GFPT2: variants seen among roughly 807,000 people sequenced by gnomAD.
The protein encoded by GFPT2 is glutamine--fructose-6-phosphate transaminase 2, also known as glutamine--fructose-6-phosphate aminotransferase [isomerizing] 2.
In GFPT2, 62 loss-of-function variants were observed where a neutral mutation model predicts 85.6. The ratio of observed to expected loss-of-function variants is 0.72; its 90% CI spans 0.59 to 0.90. The LOEUF (loss-of-function observed/expected upper bound fraction) is 0.90, where lower values mean the gene tolerates loss of function less well. GFPT2 is among the 40% of genes least tolerant of loss of function. GFPT2 has a pLI of 0.00. For synonymous variants in GFPT2, 368 were observed against 344.5 expected, an observed-to-expected ratio of 1.07 and a Z score of -0.75; for missense variants, 788 against 893.4, an observed-to-expected ratio of 0.88 and a Z score of 1.50.
chr5:180,338,413 AC>A (rs34335690), intron 2 of GFPT2, 79 bp downstream of exon 2: 31,923 of 582,268 alleles, frequency 0.055, 1,051 homozygotes, highest in Middle Eastern at 0.11. Flanking sequence ...CTGGTTGTAA[AC>A]CCCCCTGCAG....
chr5:180,342,814 A>G (rs1257437480), intron 1 of GFPT2, among the ~76,000 whole-genome samples: 2 of 151,480 alleles, frequency 1.3e-5, no homozygotes, highest in Non-Finnish European at 2.9e-5. Context: ...AGGCAGGAGA[A>G]TCTCTTGAAC....
At position 180,322,002 on chromosome 5, in the gene GFPT2, T is replaced by C. The variant is rs141370007; in HGVS notation, c.794+2186A>G. Among the ~76,000 whole-genome samples, 844 of 152,114 alleles carry C rather than the reference T, an allele frequency of 5.5e-3. 6 individuals carry two copies. Among genetic ancestry groups the C allele is most frequent in the African/African-American group, 0.02 (811 of 41,524 alleles). On this transcript the variant is annotated intron_variant, in intron 9 of 18. Transcript: ENST00000253778. ...CCGGGTTTCACCGTGTTGGCCAGGA[T>C]GGTCTCGATCTCCTGATCTCATGAT...
chr5:180,317,559 A>ATT (rs1008096116), intron 10 of GFPT2, among the ~76,000 whole-genome samples: 9 of 145,418 alleles, frequency 6.2e-5, no homozygotes, highest in Non-Finnish European at 1.2e-4. Flanking sequence ...GGAGATCGAG[A>ATT]CCATCCCGGC....
intron 15 of GFPT2, among the ~76,000 whole-genome samples, chr5:180,308,662 G>C (rs1036615942): frequency 7.9e-5 from 12 of 152,166 alleles, no homozygotes; most frequent in African/African-American, 2.7e-4. Flanking sequence ...TATAGAATCT[G>C]AAATCCTATC....
chr5:180,320,433 A>G (rs1263767241), intron 9 of GFPT2, among the ~76,000 whole-genome samples: 2 of 152,226 alleles, frequency 1.3e-5, no homozygotes, highest in East Asian at 3.8e-4. Context: ...TTAATGGTAT[A>G]TAGTTGTGGT....
rs1457517392 is a variant in GFPT2 at position 180,323,512 on chromosome 5, A to C, written c.794+676T>G. Among the ~76,000 whole-genome samples, 1 of 152,120 alleles carries C rather than the reference A, an allele frequency of 6.6e-6. No individual in the cohort carries two copies. The highest frequency in any genetic ancestry group is 2.4e-5 in the African/African-American group (1 of 41,418). On this transcript the variant is annotated intron_variant, in intron 9 of 18. Transcript: ENST00000253778. The surrounding 1 kb of genome is among the most constrained non-coding windows in gnomAD (Gnocchi z 4.0). ...GCAGTTTTCTACTTCAAATGGCAGG[A>C]AAGTGCTCTGGTTCTCTCTCTCCCT...
intron 7 of GFPT2, among the ~76,000 whole-genome samples, chr5:180,327,825 A>C (rs930745741): frequency 3.3e-5 from 5 of 152,198 alleles, no homozygotes; most frequent in Non-Finnish European, 5.9e-5. Context: ...TCCTTTGTGA[A>C]GGTGAAGCTT....
chr5:180,350,859 C>T (rs1764698375), intron 1 of GFPT2, among the ~76,000 whole-genome samples: 1 of 152,218 alleles, frequency 6.6e-6, no homozygotes, highest in Non-Finnish European at 1.5e-5. Context: ...AAGACATAAT[C>T]TCAGCAGTGT....
intron 9 of GFPT2, 32 bp downstream of exon 9, chr5:180,324,156 C>A (rs757816662): frequency 8.7e-7 from 1 of 1,152,548 alleles, no homozygotes; most frequent in Non-Finnish European, 1.3e-6. Context: ...ATTATGTAAT[C>A]CCAGGAAGCG....
At chr5:180,307,351 A>G in intron 15 of GFPT2, 48 bp from the exon 16 acceptor site, 1 of 1,601,184 alleles carries the variant, frequency 6.2e-7, no homozygotes, top group African/African-American at 1.3e-5. Context: ...GGCCGACTTT[A>G]AAGCAATATT....
intron 1 of GFPT2, among the ~76,000 whole-genome samples, chr5:180,350,160 C>T (rs909878487): frequency 6.6e-6 from 1 of 152,086 alleles, no homozygotes; most frequent in African/African-American, 2.4e-5. Context: ...GTGCAGAGTC[C>T]CATGAGTGAG....
chr5:180,304,746 G>A, intron 17 of GFPT2, 26 bp downstream of exon 17: 1 of 1,596,362 alleles, frequency 6.3e-7, no homozygotes, highest in Non-Finnish European at 8.6e-7. Context: ...GGAGAGAGCT[G>A]GCCCAGTCCA....
intron 9 of GFPT2, among the ~76,000 whole-genome samples, chr5:180,322,188 G>A (rs1460939155): frequency 1.3e-5 from 2 of 151,956 alleles, no homozygotes; most frequent in Admixed American, 1.3e-4. Context: ...TAAATGTTGA[G>A]TGCATTAATT....
intron 18 of GFPT2, 146 bp downstream of exon 18, chr5:180,302,277 A>G: frequency 2.6e-4 from 133 of 518,730 alleles, no homozygotes; most frequent in Non-Finnish European, 3.7e-4. Context: ...ACAGAGCGAG[A>G]CTCAATCTCA....
chr5:180,337,807 C>A (rs1309113094), intron 2 of GFPT2, among the ~76,000 whole-genome samples: 1 of 152,116 alleles, frequency 6.6e-6, no homozygotes, highest in African/African-American at 2.4e-5. Flanking sequence ...CTGCTCCTGC[C>A]CTCTTTATGT....
At chr5:180,331,611 A>G in intron 4 of GFPT2, 58 bp from the exon 5 acceptor site, 2 of 999,748 alleles carry the variant, frequency 2.0e-6, no homozygotes, top group South Asian at 2.6e-5. Flanking sequence ...TCAGATGTGA[A>G]GAGAGATGAT....
Position 180,307,297 on chromosome 5 carries a change from A to G in GFPT2, c.1553T>C (p.Ile518Thr). Residue 518 changes from isoleucine to threonine, a missense_variant, in exon 16 of 19, where the codon ATC becomes ACC. By Grantham distance (89) the Ile-to-Thr change is moderately conservative. Coordinates refer to ENST00000253778, the MANE Select transcript of GFPT2 (RefSeq NM_005110.4). ...IRGLRSLPELIKEVLSLEEKI... is the reference protein window; with the variant it reads ...IRGLRSLPELTKEVLSLEEKI... ...CTCCTCCAGAGACAGCACTTCCTTG[A>G]TCAGCTCTGGGCCATGCACGGAGCA... The G allele has an allele frequency of 6.2e-7, 1 of 1,613,980 alleles. No individual in the cohort carries two copies. The highest frequency in any genetic ancestry group is 8.5e-7 in the Non-Finnish European group (1 of 1,179,924).
At chr5:180,316,930 G>C in intron 11 of GFPT2, 33 bp downstream of exon 11, 3 of 1,549,650 alleles carry the variant, frequency 1.9e-6, no homozygotes, top group Non-Finnish European at 2.7e-6. Flanking sequence ...GACTAGGCTC[G>C]GGCGGAGGCT....
At chr5:180,341,148 G>A (rs1764507138) in intron 1 of GFPT2, among the ~76,000 whole-genome samples, 3 of 152,140 alleles carry the variant, frequency 2.0e-5, no homozygotes, top group Admixed American at 2.0e-4. Context: ...AAGAATCCCC[G>A]ACTCAGGACT....
Sources: allele counts gnomAD v4.1 joint callset (sites outside exome capture counted in the v4.1 genomes callset), GRCh38; gene constraint gnomAD v4.1.1; non-coding constraint Gnocchi (gnomAD v3.1); transcripts MANE v1.5; gene names NCBI Gene and HGNC (gene_info 2026-07-23, HGNC 2026-07-21).